The following GRK5 variants were observed in gnomAD, a reference collection of about 807,000 sequenced individuals.
GRK5 encodes g protein-coupled receptor kinase GRK5.
In GRK5, 40 loss-of-function variants were observed where a neutral mutation model predicts 78.4. The observed-to-expected ratio is 0.51, with a 90% CI of 0.40 to 0.66. GRK5 has a LOEUF of 0.66. Among genes scored for constraint, GRK5 ranks in the 30% least tolerant of loss-of-function variants. The pLI, the probability that GRK5 is intolerant of heterozygous loss-of-function variation, is 0.00. For synonymous variants in GRK5, 289 were observed against 296.8 expected (o/e 0.97, Z 0.27); for missense variants, 598 against 759.9 (o/e 0.79, Z 2.50).
At chr10:119,232,905 A>C (rs1357358712) in intron 1 of GRK5, among the ~76,000 whole-genome samples, 1 of 152,260 alleles carries the variant, frequency 6.6e-6, no homozygotes, top group Non-Finnish European at 1.5e-5. Context: ...TGATCACTGT[A>C]CATCATATGA....
At chr10:119,270,249 G>C (rs1849564384) in intron 1 of GRK5, among the ~76,000 whole-genome samples, 1 of 152,162 alleles carries the variant, frequency 6.6e-6, no homozygotes, top group Non-Finnish European at 1.5e-5. Flanking sequence ...TACCTTCATT[G>C]ATGTCCAGTC....
chr10:119,221,476 G>A (rs1848655874), intron 1 of GRK5, among the ~76,000 whole-genome samples: 1 of 152,188 alleles, frequency 6.6e-6, no homozygotes, highest in African/African-American at 2.4e-5. Context: ...CTGTTTCAAT[G>A]GAATGCTGGG....
At chr10:119,305,208 A>C (rs12416019) in intron 1 of GRK5, among the ~76,000 whole-genome samples, 45,295 of 151,840 alleles carry the variant, frequency 0.3, 7,414 homozygotes, top group East Asian at 0.67. Context: ...GTGGTCCTCC[A>C]AGGCTGTGGG....
At chr10:119,384,975 A>C (rs987636367) in intron 3 of GRK5, among the ~76,000 whole-genome samples, 3 of 152,184 alleles carry the variant, frequency 2.0e-5, no homozygotes, top group Admixed American at 6.5e-5. Context: ...TCAGCATTGG[A>C]GTCTTTGAAA....
At chr10:119,401,488 C>T (rs557270240) in intron 4 of GRK5, among the ~76,000 whole-genome samples, 1 of 152,188 alleles carries the variant, frequency 6.6e-6, no homozygotes, top group Non-Finnish European at 1.5e-5. Flanking sequence ...AGGACGTGAG[C>T]TTTAGAGTCA....
In GRK5 at chr10:119,208,008, G is replaced by C; in HGVS notation, c.52+39G>C. The C allele has an allele frequency of 1.9e-6, 3 of 1,586,568 alleles. No individual in the cohort carries two copies. The African/African-American group carries it at 4.1e-5, about 22-fold the overall frequency. ...CCGGTACGTGCCCGGCGCGTCCGCC[G>C]CGGGCCAGGGTGCGGGTGTCGGGTG... On this transcript the variant is annotated intron_variant, in intron 1 of 15. Transcript: ENST00000392870.
chr10:119,235,471 T>G (rs117713786), intron 1 of GRK5, among the ~76,000 whole-genome samples: 3,924 of 152,260 alleles, frequency 0.026, 78 homozygotes, highest in Non-Finnish European at 0.04. Flanking sequence ...GCAAATGCAC[T>G]GCTGTTTGTG....
At chr10:119,448,350 G>A (rs1853202196) in intron 13 of GRK5, 90 bp downstream of exon 13, 2 of 1,398,790 alleles carry the variant, frequency 1.4e-6, no homozygotes, top group Non-Finnish European at 1.9e-6. Flanking sequence ...CTGGTGCAGA[G>A]TGTGGGGCAC....
At chr10:119,389,577 A>C (rs1341106153) in intron 3 of GRK5, among the ~76,000 whole-genome samples, 1 of 152,228 alleles carries the variant, frequency 6.6e-6, no homozygotes, top group African/African-American at 2.4e-5. Context: ...TGGCTGTCCT[A>C]GAAGCTGCCA....
At chr10:119,219,422 C>T (rs967637995) in intron 1 of GRK5, among the ~76,000 whole-genome samples, 1 of 152,080 alleles carries the variant, frequency 6.6e-6, no homozygotes, top group South Asian at 2.1e-4. Context: ...TTGGGATGCT[C>T]GACCAGTATA....
At chr10:119,434,830 C>G (rs1035065054) in intron 8 of GRK5, among the ~76,000 whole-genome samples, 1 of 152,232 alleles carries the variant, frequency 6.6e-6, no homozygotes, top group Non-Finnish European at 1.5e-5. Flanking sequence ...CCCACATTTC[C>G]CTTCTGCACT....
chr10:119,346,250 C>T lies in GRK5; in HGVS notation c.148+19639C>T, dbSNP rs182023293. On this transcript the variant is annotated intron_variant, in intron 2 of 15. Coordinates refer to ENST00000392870, the MANE Select transcript of GRK5 (RefSeq NM_005308.3). ...GGAATGAATGATGAGGCAGCATCGC[C>T]GCAGCGGGGCCGAGGAGAGGTCCCC... is the stretch of plus-strand genomic sequence containing the variant. 7.9e-4 allele frequency among the ~76,000 whole-genome samples: 121 copies of T among 152,280 alleles called. 2 individuals are homozygous for T. The highest frequency in any genetic ancestry group is 2.7e-3 in the African/African-American group (111 of 41,546).
chr10:119,360,900 T>C (rs1180080886), intron 2 of GRK5, among the ~76,000 whole-genome samples: 1 of 152,148 alleles, frequency 6.6e-6, no homozygotes, highest in South Asian at 2.1e-4. Flanking sequence ...CCGCTGCTTC[T>C]CTGGTGGGAA....
intron 3 of GRK5, among the ~76,000 whole-genome samples, chr10:119,382,801 C>T (rs1483541286): frequency 3.9e-5 from 6 of 152,138 alleles, no homozygotes; most frequent in African/African-American, 1.4e-4. Context: ...ACTCTAGGCT[C>T]CCCCATAACC....
chr10:119,355,519 G>A (rs1293392362), intron 2 of GRK5, among the ~76,000 whole-genome samples: 3 of 152,140 alleles, frequency 2.0e-5, no homozygotes, highest in East Asian at 3.8e-4. Flanking sequence ...GGTGGCTCAC[G>A]CCTGTTATCC....
intron 15 of GRK5, among the ~76,000 whole-genome samples, chr10:119,453,624 C>T (rs534609597): frequency 3.3e-5 from 5 of 152,316 alleles, no homozygotes; most frequent in Non-Finnish European, 7.4e-5. Context: ...TGCAGCAACA[C>T]GCCATCCCCC....
chr10:119,230,575 A>G (rs942256216), intron 1 of GRK5, among the ~76,000 whole-genome samples: 1 of 152,044 alleles, frequency 6.6e-6, no homozygotes. Context: ...ACCTGTCCCC[A>G]TGATTCAGTT....
intron 15 of GRK5, 28 bp from the exon 16 acceptor site, chr10:119,454,941 A>G (rs1198204276): frequency 8.2e-6 from 12 of 1,469,084 alleles, no homozygotes; most frequent in Admixed American, 1.7e-5. Context: ...TGTTCTCTCC[A>G]CCCCGTCTCC....
chr10:119,249,292 C>A lies in GRK5; in HGVS notation c.52+41323C>A, dbSNP rs1420912624. Among the ~76,000 whole-genome samples, 65 of 150,484 alleles carry A rather than the reference C, an allele frequency of 4.3e-4. 1 individual carries two copies. The highest frequency in any genetic ancestry group is 1.2e-3 in the Admixed American group (18 of 14,852). ...GTCTCAAAAAACAAAAAACGAAAAA[C>A]AAAAAGGAGATACTAATAATACCTA... On this transcript the variant is annotated intron_variant, in intron 1 of 15. Transcript: ENST00000392870.
Sources: allele counts gnomAD v4.1 joint callset (sites outside exome capture counted in the v4.1 genomes callset), GRCh38; gene constraint gnomAD v4.1.1; transcripts MANE v1.5; gene names NCBI Gene and HGNC (gene_info 2026-07-23, HGNC 2026-07-21).